The following MALRD1 variants were observed in gnomAD, a reference collection of about 807,000 sequenced individuals.
MALRD1 encodes MAM and LDL-receptor class A domain-containing protein 1.
MALRD1 carries 247 observed loss-of-function variants against 242.1 expected under a neutral mutation model. The ratio of observed to expected loss-of-function variants is 1.02; its 90% CI spans 0.92 to 1.13. The LOEUF (loss-of-function observed/expected upper bound fraction) is 1.13. MALRD1 is among the 50% of genes most tolerant of loss of function. MALRD1 has a pLI of 0.00. For synonymous variants in MALRD1, 995 were observed against 866.6 expected (o/e 1.15, Z -2.60); for missense variants, 2,989 against 2,533.1 (o/e 1.18, Z -3.86).
At chr10:19,531,142 C>T in intron 31 of MALRD1, 52 bp from the exon 32 acceptor site, 4 of 1,427,130 alleles carry the variant, frequency 2.8e-6, no homozygotes, top group Non-Finnish European at 3.8e-6. Flanking sequence ...CACATTCCGA[C>T]TCATGCGATA....
intron 13 of MALRD1, among the ~76,000 whole-genome samples, chr10:19,169,131 G>T (rs1040509897): frequency 6.6e-5 from 10 of 152,010 alleles, no homozygotes; most frequent in Non-Finnish European, 2.9e-5. Flanking sequence ...AGGCCTTTAG[G>T]CAGCTGATTT....
rs182240755 is a variant in MALRD1 at position 19,064,743 on chromosome 10, C to T, written c.200-1976C>T. Reference sequence around the variant, plus strand: ...CAAGATTGCACCACTGCACTTCAGCCTGGGCGACAGAAAGAAACTCTGTCT... The same window carrying T: ...CAAGATTGCACCACTGCACTTCAGCTTGGGCGACAGAAAGAAACTCTGTCT... On this transcript the variant is annotated intron_variant, in intron 1 of 39. Transcript: ENST00000454679. 3.1e-3 allele frequency among the ~76,000 whole-genome samples: 446 copies of T among 141,756 alleles called. 3 individuals are homozygous for T. The highest frequency in any genetic ancestry group is 0.012 in the Admixed American group (166 of 13,418). The allele number at this position is 141,756 out of a possible 152,430, so 93.0% of individuals were successfully genotyped here.
At chr10:19,082,657 T>A (rs1280332743) in intron 2 of MALRD1, among the ~76,000 whole-genome samples, 1 of 151,248 alleles carries the variant, frequency 6.6e-6, no homozygotes, top group Admixed American at 6.6e-5. Context: ...TTTCTCACTT[T>A]AAAAAAAAAC....
intron 14 of MALRD1, among the ~76,000 whole-genome samples, chr10:19,183,126 T>C (rs1835585674): frequency 6.6e-6 from 1 of 151,576 alleles, no homozygotes; most frequent in Non-Finnish European, 1.5e-5. Context: ...TTTTTTTTTT[T>C]TTTTTGCCTG....
intron 38 of MALRD1, among the ~76,000 whole-genome samples, chr10:19,693,637 A>C (rs1355389664): frequency 2.0e-5 from 3 of 152,196 alleles, no homozygotes; most frequent in Admixed American, 1.3e-4. Context: ...TATTGTGAAA[A>C]TGGCCATGCT....
chr10:19,147,399 T>G (rs986541477), intron 11 of MALRD1, among the ~76,000 whole-genome samples: 9 of 152,180 alleles, frequency 5.9e-5, no homozygotes, highest in African/African-American at 2.2e-4. Context: ...AGTTAATTGT[T>G]TAACAGTGTG....
chr10:19,070,065 G>A (rs528280712), intron 2 of MALRD1, among the ~76,000 whole-genome samples: 1 of 151,940 alleles, frequency 6.6e-6, no homozygotes, highest in East Asian at 1.9e-4. Context: ...GGTTTTCAGC[G>A]TGCATAATTT....
At chr10:19,553,346 T>G (rs1835577217) in intron 32 of MALRD1, among the ~76,000 whole-genome samples, 1 of 152,194 alleles carries the variant, frequency 6.6e-6, no homozygotes, top group Non-Finnish European at 1.5e-5. Context: ...ATTCTTCATA[T>G]ATCTCATGTT....
chr10:19,313,476 C>T (rs1159895036), intron 21 of MALRD1, among the ~76,000 whole-genome samples: 1 of 150,922 alleles, frequency 6.6e-6, no homozygotes, highest in Non-Finnish European at 1.5e-5. Context: ...AGACTTTTTT[C>T]CCCAAAATAG....
chr10:19,119,553 G>T (rs1169958470), intron 5 of MALRD1, among the ~76,000 whole-genome samples: 1 of 152,114 alleles, frequency 6.6e-6, no homozygotes, highest in African/African-American at 2.4e-5. Context: ...GTCGGTTCCT[G>T]GGTTGAGGCC....
chr10:19,694,270 G>T (rs868114671), intron 38 of MALRD1, among the ~76,000 whole-genome samples: 3 of 151,950 alleles, frequency 2.0e-5, no homozygotes, highest in South Asian at 2.1e-4. Context: ...AAAAGAAACC[G>T]CCATCAGAGT....
In MALRD1 at chr10:19,289,080, T is replaced by C. The variant is rs972885955; in HGVS notation, c.3419+5899T>C. 2.6e-5 allele frequency among the ~76,000 whole-genome samples: 4 copies of C among 152,088 alleles called. No homozygotes were observed. In the East Asian group the frequency reaches 7.7e-4, roughly 29 times the overall value. ...TTTTATTCAAAATTTTTTTCTTTAA[T>C]TTTTTTCCTTGGGCTGCTTCTGACT... On this transcript the variant is annotated intron_variant, in intron 21 of 39. Transcript: ENST00000454679.
At chr10:19,652,285 C>G (rs1452624910) in intron 36 of MALRD1, among the ~76,000 whole-genome samples, 2 of 152,108 alleles carry the variant, frequency 1.3e-5, no homozygotes, top group African/African-American at 4.8e-5. Flanking sequence ...GAATATTGAA[C>G]AATAAATACG....
intron 36 of MALRD1, among the ~76,000 whole-genome samples, chr10:19,662,752 T>A (rs917376518): frequency 1.4e-4 from 22 of 152,142 alleles, no homozygotes; most frequent in African/African-American, 5.1e-4. Flanking sequence ...CAGGGTGACT[T>A]GGCCTATCAC....
At chr10:19,308,985 T>C (rs1245145720) in intron 21 of MALRD1, among the ~76,000 whole-genome samples, 2 of 151,642 alleles carry the variant, frequency 1.3e-5, no homozygotes, top group Non-Finnish European at 3.0e-5. Context: ...AATGAAGATA[T>C]ATTTTGTAAT....
intron 36 of MALRD1, among the ~76,000 whole-genome samples, chr10:19,674,320 A>G (rs1842050008): frequency 6.6e-6 from 1 of 152,164 alleles, no homozygotes; most frequent in Admixed American, 6.5e-5. Context: ...CTCAATGATT[A>G]CTCGGTAGCC....
chr10:19,317,487 T>G (rs553762854), intron 21 of MALRD1, among the ~76,000 whole-genome samples: 1 of 152,124 alleles, frequency 6.6e-6, no homozygotes, highest in South Asian at 2.1e-4. Flanking sequence ...TTTCTGCAGC[T>G]CAAAGTATTG....
chr10:19,684,241 C>T (rs1346816121), intron 36 of MALRD1, among the ~76,000 whole-genome samples: 2 of 152,196 alleles, frequency 1.3e-5, no homozygotes, highest in African/African-American at 4.8e-5. Context: ...CTCTCTGTGA[C>T]TTCATCTTCT....
chr10:19,352,380 A>G lies in MALRD1; in HGVS notation c.4441+83A>G, dbSNP rs1041998440. 11 of 1,185,922 alleles carry G rather than the reference A, an allele frequency of 9.3e-6. No individual in the cohort carries two copies. In the African/African-American group the frequency reaches 1.7e-4, roughly 18 times the overall value. The allele number at this position is 1,185,922 out of a possible 1,614,324, so 73.5% of individuals were successfully genotyped here. On this transcript the variant is annotated intron_variant, in intron 26 of 39. Coordinates refer to ENST00000454679, the MANE Select transcript of MALRD1 (RefSeq NM_001142308.3). ...AGAAAGAAAATGCAAAAGAAATAGCATAAACACCTAGTAATTTATCACTTT... is the reference window on the plus strand; with the variant it reads ...AGAAAGAAAATGCAAAAGAAATAGCGTAAACACCTAGTAATTTATCACTTT...
Sources: gnomAD v4.1 joint callset for allele counts (sites outside exome capture counted in the v4.1 genomes callset) on GRCh38, gnomAD v4.1.1 for gene constraint, MANE v1.5 for transcripts, NCBI Gene and HGNC (gene_info 2026-07-23, HGNC 2026-07-21) for gene names.